Variants in PALLD observed in about 807,000 individuals in gnomAD.
PALLD encodes palladin, cytoskeletal associated protein, also known as palladin.
Under a neutral mutation model 123.5 loss-of-function variants are expected in PALLD, and 61 were observed. The ratio of observed to expected loss-of-function variants is 0.49; its 90% CI spans 0.40 to 0.61. PALLD has a LOEUF of 0.61. Among genes scored for constraint, PALLD ranks in the 20% least tolerant of loss-of-function variants. The probability of loss-of-function intolerance (pLI) is 0.00; values close to 1 mark genes in which losing one functional copy is unlikely to be tolerated. For missense variants in PALLD, 1,273 were observed against 1,377.0 expected, an observed-to-expected ratio of 0.92 and a Z score of 1.20; for synonymous variants, 465 against 496.4, an observed-to-expected ratio of 0.94 and a Z score of 0.84.
intron 19 of PALLD, 117 bp from the exon 20 acceptor site, chr4:168,924,828 C>T: frequency 3.1e-6 from 3 of 983,604 alleles, no homozygotes; most frequent in Admixed American, 1.8e-5. Flanking sequence ...TAAGTATGAC[C>T]CTATTATCAG....
At chr4:168,562,745 G>A (rs1467915776) in intron 2 of PALLD, among the ~76,000 whole-genome samples, 1 of 152,158 alleles carries the variant, frequency 6.6e-6, no homozygotes, top group Non-Finnish European at 1.5e-5. Context: ...GGGTCCAGGA[G>A]GTGACCCTGA....
chr4:168,789,913 C>T (rs918786172), intron 10 of PALLD, among the ~76,000 whole-genome samples: 7 of 151,874 alleles, frequency 4.6e-5, no homozygotes, highest in African/African-American at 1.5e-4. Flanking sequence ...AACTTAACAC[C>T]GTGAAAAATC....
chr4:168,867,961 T>C (rs1442856750), intron 10 of PALLD, among the ~76,000 whole-genome samples: 1 of 152,130 alleles, frequency 6.6e-6, no homozygotes, highest in Non-Finnish European at 1.5e-5. Flanking sequence ...GAGGGTTATC[T>C]GGATCCAGCG....
At chr4:168,549,636 G>A (rs1766522762) in intron 2 of PALLD, among the ~76,000 whole-genome samples, 1 of 151,910 alleles carries the variant, frequency 6.6e-6, no homozygotes, top group Admixed American at 6.6e-5. Flanking sequence ...ATCCTATTTA[G>A]AGGGAAGCTA....
At chr4:168,596,017 A>G (rs1325128036) in intron 2 of PALLD, among the ~76,000 whole-genome samples, 1 of 151,446 alleles carries the variant, frequency 6.6e-6, no homozygotes, top group Non-Finnish European at 1.5e-5. Context: ...TTGTGTTGTT[A>G]TAAATGTACT....
intron 2 of PALLD, among the ~76,000 whole-genome samples, chr4:168,573,310 TTTG>T (rs1769186101): frequency 1.3e-5 from 2 of 152,064 alleles, no homozygotes; most frequent in Admixed American, 6.6e-5. Flanking sequence ...TGCCTTTTTT[TTTG>T]TTAATTGTGT....
chr4:168,515,103 G>A (rs1248786449), intron 2 of PALLD, among the ~76,000 whole-genome samples: 4 of 152,098 alleles, frequency 2.6e-5, no homozygotes, highest in African/African-American at 7.2e-5. Context: ...AGTTTTTTGG[G>A]TTTGGAGGCT....
chr4:168,637,246 C>T (rs993772656), intron 2 of PALLD, among the ~76,000 whole-genome samples: 4 of 151,914 alleles, frequency 2.6e-5, no homozygotes, highest in Non-Finnish European at 5.9e-5. Flanking sequence ...GGGGCTTCTC[C>T]CTGAAGACGG....
intron 2 of PALLD, among the ~76,000 whole-genome samples, chr4:168,542,920 C>T (rs1306942349): frequency 6.6e-6 from 1 of 151,528 alleles, no homozygotes; most frequent in East Asian, 1.9e-4. Context: ...ACAGTCTCCA[C>T]CAGCCCACTG....
chr4:168,650,327 A>G (rs1308335979), intron 2 of PALLD, among the ~76,000 whole-genome samples: 1 of 152,182 alleles, frequency 6.6e-6, no homozygotes, highest in Admixed American at 6.5e-5. Context: ...ATAAGTTACA[A>G]CCCTCCAAAA....
At chr4:168,675,470 C>A (rs1328686123) in intron 3 of PALLD, among the ~76,000 whole-genome samples, 1 of 152,222 alleles carries the variant, frequency 6.6e-6, no homozygotes, top group African/African-American at 2.4e-5. Context: ...CACTGCCGTG[C>A]CTCTCTAGGC....
At chr4:168,641,133 G>C (rs923388319) in intron 2 of PALLD, among the ~76,000 whole-genome samples, 7 of 151,896 alleles carry the variant, frequency 4.6e-5, no homozygotes, top group African/African-American at 1.7e-4. Context: ...GCATGAACCT[G>C]GGAGGCGGAG....
chr4:168,501,664 C>G (rs1047648459), intron 1 of PALLD, among the ~76,000 whole-genome samples: 1 of 152,116 alleles, frequency 6.6e-6, no homozygotes, highest in Non-Finnish European at 1.5e-5. Context: ...TTGAAATTCA[C>G]CTGGGAGAAT....
chr4:168,703,033 T>G (rs1486336318), intron 8 of PALLD, among the ~76,000 whole-genome samples: 35 of 139,386 alleles, frequency 2.5e-4, no homozygotes, highest in African/African-American at 8.8e-4. Context: ...GCATTAGGTA[T>G]ATCTCCCAAT....
chr4:168,725,773 G>A (rs1025573592), intron 10 of PALLD, among the ~76,000 whole-genome samples: 36 of 151,970 alleles, frequency 2.4e-4, no homozygotes, highest in Admixed American at 3.3e-4. Context: ...TGATCCGCCC[G>A]CCTCGGCCTC....
At chr4:168,625,731 T>C (rs1775201955) in intron 2 of PALLD, among the ~76,000 whole-genome samples, 1 of 151,908 alleles carries the variant, frequency 6.6e-6, no homozygotes, top group South Asian at 2.1e-4. Context: ...CTAACACCCA[T>C]TAAGATGGCT....
chr4:168,535,550 G>A (rs1765011461), intron 2 of PALLD, among the ~76,000 whole-genome samples: 1 of 152,182 alleles, frequency 6.6e-6, no homozygotes, highest in South Asian at 2.1e-4. Context: ...GCTAGGGGAA[G>A]ACTTCAGGGG....
intron 10 of PALLD, among the ~76,000 whole-genome samples, chr4:168,855,789 A>C (rs1330634767): frequency 2.0e-5 from 3 of 152,260 alleles, no homozygotes; most frequent in Non-Finnish European, 4.4e-5. Flanking sequence ...CATTGCTCAA[A>C]ATACTTCACA....
Position 168,816,817 on chromosome 4 carries a change from CGTGTGTGTGTGTGTGTGTGTGTGT to C in PALLD, c.1965-74072_1965-74049del, listed in dbSNP as rs61010592. 4.2e-3 allele frequency among the ~76,000 whole-genome samples: 470 copies of C among 111,028 alleles called. 18 individuals carry two copies. In the East Asian group the frequency reaches 0.09, roughly 21 times the overall value. 72.8% of individuals were successfully genotyped at this position (111,028 alleles called of 152,430 possible). On this transcript the variant is annotated intron_variant, in intron 10 of 21. Coordinates refer to ENST00000505667, the MANE Select transcript of PALLD (RefSeq NM_001166108.2). ...CAGAGTGACCTGTTGGAGCTAGCCC[CGTGTGTGTGTGTGTGTGTGTGTGT>C]GTGTGTGTGTGTGTGTGTGTGTGTG...
Sources: gnomAD v4.1 joint callset for allele counts (sites outside exome capture counted in the v4.1 genomes callset) on GRCh38, gnomAD v4.1.1 for gene constraint, MANE v1.5 for transcripts, NCBI Gene and HGNC (gene_info 2026-07-23, HGNC 2026-07-21) for gene names.